Variants in CSGALNACT2 observed in about 807,000 individuals in gnomAD.
The protein encoded by CSGALNACT2 is chondroitin sulfate N-acetylgalactosaminyltransferase 2, also known as beta 4 GalNAcT-2.
Under a neutral mutation model 55.3 loss-of-function variants are expected in CSGALNACT2, and 35 were observed. The observed-to-expected ratio is 0.63, with a 90% CI of 0.48 to 0.84. CSGALNACT2 has a LOEUF of 0.84. Ranked by LOEUF, CSGALNACT2 falls within the 40% of genes least tolerant of loss-of-function variation. The probability of loss-of-function intolerance (pLI) is 0.00; values close to 1 mark genes in which losing one functional copy is unlikely to be tolerated. For synonymous variants in CSGALNACT2, 196 were observed against 224.9 expected, an observed-to-expected ratio of 0.87 and a Z score of 1.15; for missense variants, 544 against 657.5, an observed-to-expected ratio of 0.83 and a Z score of 1.89.
chr10:43,149,905 T>C (rs1838839570), intron 1 of CSGALNACT2, among the ~76,000 whole-genome samples: 2 of 152,090 alleles, frequency 1.3e-5, no homozygotes, highest in South Asian at 4.1e-4. Context: ...CCATCTCTAC[T>C]AAAAATACAG....
Position 43,184,690 on chromosome 10 carries a change from G to A in CSGALNACT2, c.*1148G>A, listed in dbSNP as rs1839660680. 1 of 152,096 alleles carries A rather than the reference G, an allele frequency of 6.6e-6. No homozygotes were observed. Among genetic ancestry groups the A allele is most frequent in the East Asian group, 1.9e-4 (1 of 5,198 alleles). The allele number at this position is 152,096 out of a possible 1,614,324, so 9.4% of individuals were successfully genotyped here. On this transcript the variant is annotated 3_prime_UTR_variant, in exon 8 of 8. Transcript: ENST00000374466. The stretch of plus-strand genomic sequence containing the variant: ...TTGCATATAGAATGTTTTAATTGAG[G>A]TATAAATTAATGAGACAAAGTGAAA...
intron 6 of CSGALNACT2, among the ~76,000 whole-genome samples, chr10:43,171,046 GA>G (rs1217888880): frequency 6.6e-6 from 1 of 151,510 alleles, no homozygotes; most frequent in East Asian, 1.9e-4. Flanking sequence ...TCCTAGAATA[GA>G]AAAAAAAGAC....
intron 2 of CSGALNACT2, among the ~76,000 whole-genome samples, chr10:43,158,196 A>G (rs1389323505): frequency 6.6e-6 from 1 of 151,944 alleles, no homozygotes; most frequent in Admixed American, 6.6e-5. Context: ...ATACAGATAT[A>G]TATATATATC....
chr10:43,159,014 C>A, intron 3 of CSGALNACT2, 83 bp downstream of exon 3: 1 of 752,968 alleles, frequency 1.3e-6, no homozygotes. Context: ...TTATCTTCAC[C>A]GATTATAATT....
rs566794321 is a variant in CSGALNACT2 at position 43,157,080 on chromosome 10, C to G, written c.661+1270C>G. On this transcript the variant is annotated intron_variant, in intron 2 of 7. Coordinates refer to ENST00000374466, the MANE Select transcript of CSGALNACT2 (RefSeq NM_018590.5). ...TGTGGCCTCCTCTTTTTTCTGCTGTCACTTCCTGCCATTTTTGATGGATTA... is the reference window on the plus strand; with the variant it reads ...TGTGGCCTCCTCTTTTTTCTGCTGTGACTTCCTGCCATTTTTGATGGATTA... Among the ~76,000 whole-genome samples the G allele has an allele frequency of 2.0e-5, 3 of 152,334 alleles. No homozygotes were observed. In the South Asian group the frequency reaches 6.2e-4, roughly 32 times the overall value.
chr10:43,153,384 G>A (rs1195020889), intron 1 of CSGALNACT2, among the ~76,000 whole-genome samples: 1 of 149,256 alleles, frequency 6.7e-6, no homozygotes, highest in Non-Finnish European at 1.5e-5. Flanking sequence ...AAGATACTTG[G>A]TTATCATTTC....
At chr10:43,176,162 C>A in intron 7 of CSGALNACT2, 130 bp downstream of exon 7, 2 of 597,924 alleles carry the variant, frequency 3.3e-6, no homozygotes, top group Non-Finnish European at 5.5e-6. Flanking sequence ...AAAAGAGAAA[C>A]TGGATATACA....
intron 4 of CSGALNACT2, 28 bp from the exon 5 acceptor site, chr10:43,163,838 T>C (rs1242538433): frequency 3.8e-6 from 6 of 1,588,964 alleles, no homozygotes; most frequent in Admixed American, 3.5e-5. Flanking sequence ...GTGGGACTTA[T>C]CATTTGTTGT....
intron 1 of CSGALNACT2, among the ~76,000 whole-genome samples, chr10:43,141,298 A>C (rs1373490300): frequency 4.6e-5 from 7 of 151,306 alleles, no homozygotes; most frequent in Non-Finnish European, 1.0e-4. Context: ...GCTTACTGCG[A>C]GCTCCACCTC....
intron 7 of CSGALNACT2, among the ~76,000 whole-genome samples, chr10:43,179,758 T>C (rs1006369286): frequency 7.2e-5 from 11 of 152,336 alleles, no homozygotes; most frequent in African/African-American, 2.4e-4. Flanking sequence ...TTACTATCTC[T>C]CTCTGTGGTT....
chr10:43,161,253 C>G (rs898162889), intron 4 of CSGALNACT2, among the ~76,000 whole-genome samples: 16 of 152,152 alleles, frequency 1.1e-4, no homozygotes, highest in Non-Finnish European at 2.1e-4. Flanking sequence ...TTCTGTTATT[C>G]TTTTTCATTG....
intron 3 of CSGALNACT2, among the ~76,000 whole-genome samples, chr10:43,159,715 T>C (rs954825690): frequency 1.3e-5 from 2 of 152,240 alleles, no homozygotes; most frequent in African/African-American, 4.8e-5. Context: ...GTTATCAAAT[T>C]TGTATATTTT....
At chr10:43,180,410 A>C (rs1588916860) in intron 7 of CSGALNACT2, among the ~76,000 whole-genome samples, 1 of 152,180 alleles carries the variant, frequency 6.6e-6, no homozygotes, top group East Asian at 1.9e-4. Context: ...GAACCCATCT[A>C]AGGCATTCAT....
In CSGALNACT2 at chr10:43,160,462, T is replaced by G. The variant is rs145137945; in HGVS notation, c.879-32T>G. 63 of 1,148,736 alleles carry G rather than the reference T, an allele frequency of 5.5e-5. No homozygotes were observed. In the East Asian group the frequency reaches 7.7e-4, roughly 14 times the overall value. 71.2% of individuals were successfully genotyped at this position (1,148,736 alleles called of 1,614,324 possible). On this transcript the variant is annotated intron_variant, in intron 3 of 7. Transcript: ENST00000374466. The stretch of plus-strand genomic sequence containing the variant: ...TTAATGAATAGTGCCTCATGTTTTC[T>G]TGAATAAACTTTTATTTTTCACTTC...
Position 43,156,097 on chromosome 10 carries a change from G to A in CSGALNACT2, c.661+287G>A, listed in dbSNP as rs889818701. 5.3e-5 allele frequency among the ~76,000 whole-genome samples: 8 copies of A among 152,124 alleles called. No homozygotes were observed. In the South Asian group the frequency reaches 1.2e-3, roughly 24 times the overall value. ...GAATAAAACAGCTCTTGTTGCATGT[G>A]TATGATTTATATTCCTCACTTACCT... On this transcript the variant is annotated intron_variant, in intron 2 of 7. Transcript: ENST00000374466.
chr10:43,146,724 TG>T (rs1815521597), intron 1 of CSGALNACT2, among the ~76,000 whole-genome samples: 4 of 143,624 alleles, frequency 2.8e-5, no homozygotes, highest in Admixed American at 1.4e-4. Flanking sequence ...CAGAGCAAGA[TG>T]CTGTCTTTTT....
rs1257610757 is a variant in CSGALNACT2, at chr10:43,162,400, G to T, written c.981-1466G>T. 3 of 984,112 alleles carry T rather than the reference G, an allele frequency of 3.0e-6. No individual in the cohort carries two copies. In the African/African-American group the frequency reaches 5.2e-5, roughly 17 times the overall value. 61.0% of individuals were successfully genotyped at this position (984,112 alleles called of 1,614,324 possible). A position where few individuals can be genotyped will look rare whatever the true frequency, so the allele number is the denominator to read the frequency against. On this transcript the variant is annotated intron_variant, in intron 4 of 7. Coordinates refer to ENST00000374466, the MANE Select transcript of CSGALNACT2 (RefSeq NM_018590.5). The stretch of plus-strand genomic sequence containing the variant: ...TTGGGACTGGCCCAGCTTAAGCCTG[G>T]TCTCCACCCCTAGGAAATTACTGTG...
intron 1 of CSGALNACT2, among the ~76,000 whole-genome samples, chr10:43,149,339 G>A (rs994514339): frequency 2.0e-5 from 3 of 152,094 alleles, no homozygotes; most frequent in African/African-American, 4.8e-5. Flanking sequence ...TGCCCACCTC[G>A]GCCTTCCAAA....
Position 43,138,493 on chromosome 10 carries a change from G to A in CSGALNACT2, c.-328G>A, listed in dbSNP as rs1588885453. 6.6e-6 allele frequency: 1 copy of A among 150,704 alleles called. No individual in the cohort carries two copies. Among genetic ancestry groups the A allele is most frequent in the Admixed American group, 6.6e-5 (1 of 15,120 alleles). The allele number at this position is 150,704 out of a possible 1,614,324, so 9.3% of individuals were successfully genotyped here. A position where few individuals can be genotyped will look rare whatever the true frequency, so the allele number is the denominator to read the frequency against. On this transcript the variant is annotated 5_prime_UTR_variant, in exon 1 of 8. Transcript: ENST00000374466. ...GGGGGTGGGTGGCTGAGGCGGCGGC[G>A]GGCCCAAGGCGTGAGGCGCCGCCCG...
Sources: gnomAD v4.1 joint callset for allele counts (sites outside exome capture counted in the v4.1 genomes callset) on GRCh38, gnomAD v4.1.1 for gene constraint, MANE v1.5 for transcripts, NCBI Gene and HGNC (gene_info 2026-07-23, HGNC 2026-07-21) for gene names.